Variants in ALMS1 observed in about 807,000 individuals in gnomAD.
ALMS1 encodes ALMS1 centrosome and basal body associated protein.
A neutral mutation model predicts 352.2 loss-of-function variants in ALMS1; 271 were observed. That is an observed-to-expected ratio of 0.77 (90% confidence interval 0.70 to 0.85). The LOEUF (loss-of-function observed/expected upper bound fraction) is 0.85. ALMS1 is among the 40% of genes least tolerant of loss of function. The probability of loss-of-function intolerance (pLI) is 0.00; values close to 1 mark genes in which losing one functional copy is unlikely to be tolerated. For missense variants in ALMS1, 5,445 were observed against 4,870.7 expected (o/e 1.12, Z -3.51); for synonymous variants, 1,865 against 1,761.2 (o/e 1.06, Z -1.48).
At chr2:73,525,037 C>T (rs1156897720) in intron 11 of ALMS1, among the ~76,000 whole-genome samples, 1 of 152,136 alleles carries the variant, frequency 6.6e-6, no homozygotes, top group East Asian at 1.9e-4. Context: ...TAATAACCTC[C>T]AGTTTCATCC....
In ALMS1 at chr2:73,493,346, T is replaced by TACAC. The variant is rs55857864; in HGVS notation, c.9539+1876_9539+1879dup. On this transcript the variant is annotated intron_variant, in intron 10 of 22. Transcript: ENST00000613296. ...TCCACAGTCCATAAATAAGGCAAAC[T>TACAC]ACACACACACACACACACACACACA... is the stretch of plus-strand genomic sequence containing the variant. Among the ~76,000 whole-genome samples, 647 of 144,476 alleles carry TACAC rather than the reference T, an allele frequency of 4.5e-3. 3 individuals carry two copies. The highest frequency in any genetic ancestry group is 9.5e-3 in the African/African-American group (378 of 39,814). 94.8% of individuals were successfully genotyped at this position (144,476 alleles called of 152,430 possible). A position where few individuals can be genotyped will look rare whatever the true frequency, so the allele number is the denominator to read the frequency against.
intron 9 of ALMS1, among the ~76,000 whole-genome samples, chr2:73,460,512 C>G (rs1039997694): frequency 1.3e-5 from 2 of 152,194 alleles, no homozygotes; most frequent in Admixed American, 1.3e-4. Flanking sequence ...CCAGTGTGAG[C>G]AACGCAGAAG....
At chr2:73,403,025 T>C (rs1349975510) in intron 1 of ALMS1, among the ~76,000 whole-genome samples, 1 of 152,228 alleles carries the variant, frequency 6.6e-6, no homozygotes, top group Non-Finnish European at 1.5e-5. Context: ...GATGTGAAAC[T>C]CTTTAGCTTG....
chr2:73,501,131 A>G lies in ALMS1; in HGVS notation c.9539+9633A>G, dbSNP rs568933911. ...TTTTCTGTGTCTCTTGCCCATTTGC[A>G]TGATTTTATTTATGAAGTATCTGTT... is the stretch of plus-strand genomic sequence containing the variant. On this transcript the variant is annotated intron_variant, in intron 10 of 22. Coordinates refer to ENST00000613296, the MANE Select transcript of ALMS1 (RefSeq NM_001378454.1). Among the ~76,000 whole-genome samples, 138 of 152,220 alleles carry G rather than the reference A, an allele frequency of 9.1e-4. 2 individuals are homozygous for G. The South Asian group carries it at 0.028, about 31-fold the overall frequency.
At chr2:73,548,685 C>T (rs548476565) in intron 12 of ALMS1, among the ~76,000 whole-genome samples, 3 of 152,192 alleles carry the variant, frequency 2.0e-5, no homozygotes, top group Non-Finnish European at 4.4e-5. Flanking sequence ...GAAGACACAT[C>T]TTTTCTAATT....
At chr2:73,491,949 C>T (rs1672999109) in intron 10 of ALMS1, among the ~76,000 whole-genome samples, 1 of 152,084 alleles carries the variant, frequency 6.6e-6, no homozygotes. Context: ...TTAGTATTTA[C>T]AAAGAAAGTG....
intron 16 of ALMS1, among the ~76,000 whole-genome samples, chr2:73,576,512 G>A (rs1475012422): frequency 1.3e-5 from 2 of 151,852 alleles, no homozygotes; most frequent in Non-Finnish European, 2.9e-5. Context: ...TTCATGTTGA[G>A]GAAGTTCCCT....
rs1463442363 is a variant in ALMS1, at chr2:73,468,087, A to G, written c.7674+12792A>G. ...ACACCTTATTAAAGATTTATTATAT[A>G]TTAATTAAAAGGAAACATTGAACAA... is the stretch of plus-strand genomic sequence containing the variant. On this transcript the variant is annotated intron_variant, in intron 9 of 22. Coordinates refer to ENST00000613296, the MANE Select transcript of ALMS1 (RefSeq NM_001378454.1). Among the ~76,000 whole-genome samples the G allele has an allele frequency of 2.6e-5, 4 of 152,012 alleles. No individual in the cohort carries two copies. The South Asian group carries it at 6.2e-4, about 24-fold the overall frequency.
chr2:73,589,620 G>A (rs548846685), intron 16 of ALMS1, among the ~76,000 whole-genome samples: 2 of 152,226 alleles, frequency 1.3e-5, no homozygotes, highest in Admixed American at 1.3e-4. Flanking sequence ...CATTATTTTT[G>A]TTATGTTGGC....
chr2:73,548,743 C>T (rs1461008537), intron 12 of ALMS1, among the ~76,000 whole-genome samples: 5 of 152,110 alleles, frequency 3.3e-5, no homozygotes, highest in Non-Finnish European at 5.9e-5. Context: ...ATGCTGGAGT[C>T]GGATGCTCAG....
In ALMS1 at chr2:73,385,943, A is replaced by AC; in HGVS notation, c.75_76insC (p.Glu26ArgfsTer101). ...AGGAGGAGGAGGAGGAGGAGGAGGA[A>AC]GAGGAGGAGGCTGCAGCGGCGGCGG... On this transcript the variant is annotated frameshift_variant, in exon 1 of 23. Coordinates refer to ENST00000613296, the MANE Select transcript of ALMS1 (RefSeq NM_001378454.1). LOFTEE classifies it high-confidence loss of function. The AC allele has an allele frequency of 2.5e-4, 185 of 735,472 alleles. No individual in the cohort carries two copies. Among genetic ancestry groups the AC allele is most frequent in the Non-Finnish European group, 3.6e-4 (174 of 482,878 alleles). The allele number at this position is 735,472 out of a possible 1,614,324, so 45.6% of individuals were successfully genotyped here. A position where few individuals can be genotyped will look rare whatever the true frequency, so the allele number is the denominator to read the frequency against.
chr2:73,420,350 C>T (rs1002211748), intron 3 of ALMS1, among the ~76,000 whole-genome samples: 1 of 151,974 alleles, frequency 6.6e-6, no homozygotes, highest in Non-Finnish European at 1.5e-5. Flanking sequence ...GCTTACAGGC[C>T]AAGTCTTGAT....
At chr2:73,534,802 G>A (rs1673991548) in intron 11 of ALMS1, 22 bp from the exon 12 acceptor site, 1 of 1,609,978 alleles carries the variant, frequency 6.2e-7, no homozygotes, top group Non-Finnish European at 8.5e-7. Context: ...CATATTAATT[G>A]TTCTGATTTT....
chr2:73,448,748 A>C lies in ALMS1; in HGVS notation c.2221A>C (p.Thr741Pro). 6.2e-7 allele frequency: 1 copy of C among 1,605,304 alleles called. No individual in the cohort carries two copies. Among genetic ancestry groups the C allele is most frequent in the Non-Finnish European group, 8.5e-7 (1 of 1,174,100 alleles). Residue 741 changes from threonine (T) to proline (P), a missense_variant, in exon 8 of 23, where the codon ACT (threonine) becomes CCT (proline). Transcript: ENST00000613296. ...ADSHQTEETL[T>P]KVSATPGPAD... The stretch of plus-strand genomic sequence containing the variant: ...CAGTCATCAAACTGAAGAGACTCTT[A>C]CTAAAGTTTCAGCCACTCCTGGACC...
intron 11 of ALMS1, among the ~76,000 whole-genome samples, chr2:73,533,712 A>G (rs1673968675): frequency 6.6e-6 from 1 of 152,216 alleles, no homozygotes; most frequent in East Asian, 1.9e-4. Flanking sequence ...AAACTAGTAT[A>G]TAGAAAAAAA....
chr2:73,542,131 A>G (rs576793740), intron 12 of ALMS1, among the ~76,000 whole-genome samples: 1 of 152,188 alleles, frequency 6.6e-6, no homozygotes, highest in Non-Finnish European at 1.5e-5. Context: ...AAAATACTGG[A>G]AAACCGAATC....
In ALMS1 at chr2:73,490,855, C is replaced by T; in HGVS notation, c.8896C>T (p.Leu2966Phe). 1 of 1,613,974 alleles carries T rather than the reference C, an allele frequency of 6.2e-7. No homozygotes were observed. The highest frequency in any genetic ancestry group is 8.5e-7 in the Non-Finnish European group (1 of 1,179,990). ...TTCAGACCTTCCGTCTCCCATTTCT[C>T]TTGAACAATGCCAAAGCAAAGCGCC... ...IASDLPSPIS[L>F]EQCQSKAPGV... Residue 2966 changes from leucine (L) to phenylalanine (F), a missense_variant, in exon 10 of 23, where the codon CTT (leucine) becomes TTT (phenylalanine). Transcript: ENST00000613296.
At chr2:73,543,159 A>G (rs1258776527) in intron 12 of ALMS1, among the ~76,000 whole-genome samples, 1 of 152,236 alleles carries the variant, frequency 6.6e-6, no homozygotes, top group Non-Finnish European at 1.5e-5. Flanking sequence ...TACTGGTACC[A>G]AAACAGAGAT....
intron 7 of ALMS1, among the ~76,000 whole-genome samples, chr2:73,435,058 A>T (rs1338954727): frequency 6.6e-6 from 1 of 152,226 alleles, no homozygotes. Flanking sequence ...TAGAATAGAC[A>T]CTTCAGCTCT....
Sources: gnomAD v4.1 joint callset for allele counts (sites outside exome capture counted in the v4.1 genomes callset) on GRCh38, gnomAD v4.1.1 for gene constraint, MANE v1.5 for transcripts, NCBI Gene and HGNC (gene_info 2026-07-23, HGNC 2026-07-21) for gene names.